The following CELF4 variants were observed in gnomAD, a reference collection of about 807,000 sequenced individuals.
CELF4 encodes CUGBP Elav-like family member 4.
In CELF4, 18 loss-of-function variants were observed where a neutral mutation model predicts 59.9. The observed-to-expected ratio is 0.30, with a 90% confidence interval of 0.21 to 0.45. The LOEUF is 0.45. CELF4 is among the 20% of genes least tolerant of loss of function. CELF4 has a pLI of 1.00. For synonymous variants in CELF4, 261 were observed against 267.1 expected, an observed-to-expected ratio of 0.98 and a Z score of 0.22; for missense variants, 456 against 689.0, an observed-to-expected ratio of 0.66 and a Z score of 3.79.
At chr18:37,490,274 T>C (rs559412227) in intron 1 of CELF4, among the ~76,000 whole-genome samples, 2 of 151,374 alleles carry the variant, frequency 1.3e-5, no homozygotes, top group South Asian at 2.1e-4. Context: ...GAGTACGGGG[T>C]GGGGAGTAGG....
At chr18:37,503,409 G>A (rs1367727484) in intron 1 of CELF4, among the ~76,000 whole-genome samples, 1 of 152,194 alleles carries the variant, frequency 6.6e-6, no homozygotes, top group East Asian at 1.9e-4. Flanking sequence ...AAGCCCAAGT[G>A]GTGCCCAGAG....
intron 2 of CELF4, among the ~76,000 whole-genome samples, chr18:37,451,936 G>A (rs902421925): frequency 3.2e-4 from 49 of 152,172 alleles, no homozygotes; most frequent in African/African-American, 1.0e-3. Context: ...AGCCCAGGGC[G>A]GGGGATCCCA....
chr18:37,308,080 CA>C (rs1157816066), intron 3 of CELF4, among the ~76,000 whole-genome samples: 1 of 152,052 alleles, frequency 6.6e-6, no homozygotes, highest in African/African-American at 2.4e-5. Flanking sequence ...CCTGAACCTA[CA>C]GTCTAATTCT....
At chr18:37,286,134 G>T (rs1259366061) in intron 3 of CELF4, among the ~76,000 whole-genome samples, 2 of 152,064 alleles carry the variant, frequency 1.3e-5, no homozygotes, top group Non-Finnish European at 2.9e-5. Flanking sequence ...AGGACAGGGT[G>T]GTCTACAGGG....
chr18:37,327,568 A>G (rs1217584054), intron 2 of CELF4, among the ~76,000 whole-genome samples: 2 of 152,164 alleles, frequency 1.3e-5, no homozygotes, highest in East Asian at 3.9e-4. Flanking sequence ...CCACTGTCCT[A>G]AGGGTTGGCC....
intron 2 of CELF4, among the ~76,000 whole-genome samples, chr18:37,443,755 A>C (rs1048456896): frequency 6.6e-6 from 1 of 152,086 alleles, no homozygotes; most frequent in East Asian, 1.9e-4. Flanking sequence ...GGTCACTGAC[A>C]TGGAATCCTG....
intron 2 of CELF4, among the ~76,000 whole-genome samples, chr18:37,327,720 G>A (rs1434715475): frequency 6.6e-6 from 1 of 152,196 alleles, no homozygotes; most frequent in African/African-American, 2.4e-5. Context: ...TCTCCCTCGG[G>A]ACAGCTGTCA....
intron 3 of CELF4, among the ~76,000 whole-genome samples, chr18:37,315,984 A>G (rs2096855717): frequency 6.6e-6 from 1 of 152,122 alleles, no homozygotes; most frequent in Non-Finnish European, 1.5e-5. Context: ...TGCAGGAGGT[A>G]CCTTGGTGGG....
chr18:37,356,552 G>A (rs1250699132), intron 2 of CELF4, among the ~76,000 whole-genome samples: 5 of 152,132 alleles, frequency 3.3e-5, no homozygotes, highest in African/African-American at 1.2e-4. Context: ...GTGCTGGGGA[G>A]GTCAGAGGTG....
chr18:37,464,959 C>T (rs1396711546), intron 2 of CELF4, among the ~76,000 whole-genome samples: 1 of 152,182 alleles, frequency 6.6e-6, no homozygotes, highest in Non-Finnish European at 1.5e-5. Context: ...CTTGGGTCTC[C>T]TGACTCCTCA....
chr18:37,428,375 G>A (rs926505758), intron 2 of CELF4, among the ~76,000 whole-genome samples: 1 of 152,066 alleles, frequency 6.6e-6, no homozygotes, highest in African/African-American at 2.4e-5. Flanking sequence ...GGGCAGGCAG[G>A]GGATGAGGGA....
At chr18:37,292,723 A>T (rs1446888651) in intron 3 of CELF4, among the ~76,000 whole-genome samples, 1 of 152,246 alleles carries the variant, frequency 6.6e-6, no homozygotes, top group Non-Finnish European at 1.5e-5. Context: ...TAACTAAGTC[A>T]ATACAGTAAT....
rs1438164246 is a variant in CELF4 at position 37,273,111 on chromosome 18, A to G, written c.854T>C (p.Leu285Pro). 2.5e-6 allele frequency: 4 copies of G among 1,613,466 alleles called. No individual in the cohort carries two copies. Among genetic ancestry groups the G allele is most frequent in the Non-Finnish European group, 3.4e-6 (4 of 1,179,938 alleles). ...LMASVAQGGY[L>P]NPMAAFAAAQ... ...GGCAGCGAAGGCAGCCATGGGGTTC[A>G]GGTAGCCGCCCTGCGCGACTGATGC... is the stretch of plus-strand genomic sequence containing the variant. The change falls in exon 7 of 13, where the codon CTG becomes CCG. Residue 285 changes from leucine to proline, a missense_variant. Transcript: ENST00000420428.
In CELF4 at chr18:37,565,719, A is replaced by C; in HGVS notation, c.-78T>G. The C allele has an allele frequency of 8.0e-7, 1 of 1,252,628 alleles. No individual in the cohort carries two copies. Among genetic ancestry groups the C allele is most frequent in the Non-Finnish European group, 1.1e-6 (1 of 916,190 alleles). The allele number at this position is 1,252,628 out of a possible 1,614,324, so 77.6% of individuals were successfully genotyped here. ...CTCTCTCGCTCGCTCGCGCTCACAC[A>C]CGCACACGCATACACACACTCGGGT... On this transcript the variant is annotated 5_prime_UTR_variant, in exon 1 of 13. Coordinates refer to ENST00000420428, the MANE Select transcript of CELF4 (RefSeq NM_020180.4).
chr18:37,502,757 C>T lies in CELF4; in HGVS notation c.287-17150G>A, dbSNP rs553253052. Among the ~76,000 whole-genome samples, 4 of 152,328 alleles carry T rather than the reference C, an allele frequency of 2.6e-5. No homozygotes were observed. In the East Asian group the frequency reaches 7.7e-4, roughly 30 times the overall value. On this transcript the variant is annotated intron_variant, in intron 1 of 12. Coordinates refer to ENST00000420428, the MANE Select transcript of CELF4 (RefSeq NM_020180.4). ...TCACCTCACTAAGGATGGGCCCCAT[C>T]CCTCTCTCTGCCTGGTGAATTCCCA...
intron 2 of CELF4, among the ~76,000 whole-genome samples, chr18:37,446,761 C>G (rs550088631): frequency 9.2e-5 from 14 of 152,290 alleles, no homozygotes; most frequent in South Asian, 8.3e-4. Flanking sequence ...CACTGTCAAG[C>G]CTGTTTTCAG....
intron 1 of CELF4, among the ~76,000 whole-genome samples, chr18:37,502,190 T>C (rs1455132265): frequency 2.0e-5 from 3 of 151,662 alleles, no homozygotes; most frequent in African/African-American, 7.3e-5. Flanking sequence ...TTTTGGGGAG[T>C]AGTTTTCTTG....
At chr18:37,278,286 A>G (rs966393799) in intron 3 of CELF4, among the ~76,000 whole-genome samples, 2 of 152,118 alleles carry the variant, frequency 1.3e-5, no homozygotes, top group Admixed American at 6.6e-5. Flanking sequence ...CAAGATACCA[A>G]AGACACCCAG....
intron 2 of CELF4, among the ~76,000 whole-genome samples, chr18:37,459,609 G>A (rs12232675): frequency 0.19 from 28,517 of 151,984 alleles, 3,089 homozygotes; most frequent in South Asian, 0.33. Context: ...TGAAGCTCAC[G>A]TGTGACCCAA....
Sources: gnomAD v4.1 joint callset for allele counts (sites outside exome capture counted in the v4.1 genomes callset) on GRCh38, gnomAD v4.1.1 for gene constraint, MANE v1.5 for transcripts, NCBI Gene and HGNC (gene_info 2026-07-23, HGNC 2026-07-21) for gene names.